Variants in SAMD3 observed in about 807,000 individuals in gnomAD.
The protein encoded by SAMD3 is sterile alpha motif domain-containing protein 3.
In SAMD3, 63 loss-of-function variants were observed where a neutral mutation model predicts 58.5. That is an observed-to-expected ratio of 1.08 (90% CI 0.88 to 1.33). SAMD3 has a LOEUF of 1.33. Among genes scored for constraint, SAMD3 ranks in the 40% most tolerant of loss-of-function variants. SAMD3 has a pLI of 0.00. For missense variants in SAMD3, 604 were observed against 608.4 expected, an observed-to-expected ratio of 0.99 and a Z score of 0.08; for synonymous variants, 220 against 210.3, an observed-to-expected ratio of 1.05 and a Z score of -0.40.
chr6:130,205,617 T>G (rs1209925636), intron 5 of SAMD3, among the ~76,000 whole-genome samples: 2 of 152,184 alleles, frequency 1.3e-5, no homozygotes, highest in Non-Finnish European at 2.9e-5. Flanking sequence ...AGTTCCATTT[T>G]AAAGCTCCTA....
intron 1 of SAMD3, among the ~76,000 whole-genome samples, chr6:130,345,085 G>A (rs1205252182): frequency 1.3e-5 from 2 of 152,134 alleles, no homozygotes; most frequent in African/African-American, 2.4e-5. Flanking sequence ...TTAAGGTGGG[G>A]CAATAAGTAA....
intron 2 of SAMD3, among the ~76,000 whole-genome samples, chr6:130,281,865 A>T (rs1280189365): frequency 6.7e-6 from 1 of 149,950 alleles, no homozygotes; most frequent in Non-Finnish European, 1.5e-5. Flanking sequence ...GTGAGCCGAG[A>T]TCGTGTCACT....
intron 1 of SAMD3, among the ~76,000 whole-genome samples, chr6:130,218,238 G>A (rs1796089105): frequency 6.6e-6 from 1 of 152,224 alleles, no homozygotes; most frequent in African/African-American, 2.4e-5. Context: ...GCTAGTATAT[G>A]CTTCTCGCCT....
chr6:130,362,913 C>A (rs1479011514), intron 1 of SAMD3, among the ~76,000 whole-genome samples: 2 of 152,094 alleles, frequency 1.3e-5, no homozygotes, highest in Non-Finnish European at 2.9e-5. Flanking sequence ...AAGTGCTATT[C>A]AAAATCACGG....
intron 5 of SAMD3, among the ~76,000 whole-genome samples, chr6:130,200,144 C>T (rs1794513151): frequency 6.6e-6 from 1 of 152,142 alleles, no homozygotes; most frequent in African/African-American, 2.4e-5. Context: ...CCCAATTCCT[C>T]TTGGTATTAA....
intron 2 of SAMD3, among the ~76,000 whole-genome samples, chr6:130,233,546 A>G (rs186029849): frequency 6.6e-6 from 1 of 152,352 alleles, no homozygotes; most frequent in Admixed American, 6.5e-5. Flanking sequence ...TGAACAGAGG[A>G]AAAAATGTCA....
chr6:130,356,378 A>T lies in SAMD3; in HGVS notation c.-304+8742T>A, dbSNP rs539299919. On this transcript the variant is annotated intron_variant, in intron 1 of 13. Coordinates refer to the SAMD3 transcript ENST00000368134. ...ATCTGTAAAGCTTCTGCCTTATTTTATGCAGATATCTGCTCAAATATTACA... is the reference window on the plus strand; with the variant it reads ...ATCTGTAAAGCTTCTGCCTTATTTTTTGCAGATATCTGCTCAAATATTACA... 2.2e-4 allele frequency among the ~76,000 whole-genome samples: 34 copies of T among 152,310 alleles called. 2 individuals are homozygous for T. Among genetic ancestry groups the T allele is most frequent in the African/African-American group, 8.2e-4 (34 of 41,560 alleles).
chr6:130,218,345 C>T (rs1796091726), intron 1 of SAMD3, among the ~76,000 whole-genome samples: 2 of 152,206 alleles, frequency 1.3e-5, no homozygotes, highest in Non-Finnish European at 2.9e-5. Context: ...CCCATTCTCT[C>T]AGTGCGCAGG....
At chr6:130,352,143 A>G (rs967764936) in intron 1 of SAMD3, among the ~76,000 whole-genome samples, 4 of 152,112 alleles carry the variant, frequency 2.6e-5, no homozygotes, top group African/African-American at 9.7e-5. Context: ...CAGCACACCA[A>G]CATGGCACAT....
intron 5 of SAMD3, among the ~76,000 whole-genome samples, chr6:130,196,641 C>G (rs1582885904): frequency 6.6e-6 from 1 of 152,224 alleles, no homozygotes; most frequent in South Asian, 2.1e-4. Context: ...AAGGAAATAA[C>G]TTCTCAGTGT....
intron 7 of SAMD3, chr6:130,183,038 G>C (rs1051523395): frequency 3.8e-6 from 1 of 265,392 alleles, no homozygotes; most frequent in Non-Finnish European, 7.4e-6. Context: ...CAATAGTGTT[G>C]ATTATATTCA....
chr6:130,152,947 C>A (rs1165252843), intron 9 of SAMD3, among the ~76,000 whole-genome samples: 2 of 152,230 alleles, frequency 1.3e-5, no homozygotes, highest in East Asian at 3.9e-4. Flanking sequence ...TTAACATAGT[C>A]CATTTATATT....
intron 2 of SAMD3, among the ~76,000 whole-genome samples, chr6:130,264,117 G>A (rs1276892466): frequency 3.3e-5 from 5 of 152,162 alleles, no homozygotes; most frequent in African/African-American, 7.2e-5. Flanking sequence ...CACATGGCAG[G>A]CCAGAGGCCC....
chr6:130,152,667 ACT>A (rs1420124890), intron 9 of SAMD3, among the ~76,000 whole-genome samples: 1 of 151,706 alleles, frequency 6.6e-6, no homozygotes, highest in African/African-American at 2.4e-5. Context: ...ACAAAGTAAG[ACT>A]CTGTCTCAAT....
intron 2 of SAMD3, among the ~76,000 whole-genome samples, chr6:130,216,149 G>A (rs1795991827): frequency 6.6e-6 from 1 of 151,302 alleles, no homozygotes; most frequent in African/African-American, 2.4e-5. Flanking sequence ...TATGCCACTT[G>A]TCTGCAACCA....
At chr6:130,218,475 G>T (rs1452405249) in intron 1 of SAMD3, among the ~76,000 whole-genome samples, 1 of 152,112 alleles carries the variant, frequency 6.6e-6, no homozygotes, top group South Asian at 2.1e-4. Context: ...ACCATCACCA[G>T]ACCACATGAA....
At chr6:130,294,626 ATT>A (rs3029966) in intron 2 of SAMD3, among the ~76,000 whole-genome samples, 39,302 of 146,094 alleles carry the variant, frequency 0.27, 5,493 homozygotes, top group East Asian at 0.45. Flanking sequence ...GCAAGGATTA[ATT>A]TTTTTTTTTT....
Position 130,233,644 on chromosome 6 carries a change from C to A in SAMD3, c.-187-10831G>T, listed in dbSNP as rs141494994. On this transcript the variant is annotated intron_variant, in intron 2 of 13. Transcript: ENST00000368134. ...GACAGGCTGAAAGGTGATATTTGTTCTTTGGGGTATGCTGGTTTCTCTTTT... is the reference window on the plus strand; with the variant it reads ...GACAGGCTGAAAGGTGATATTTGTTATTTGGGGTATGCTGGTTTCTCTTTT... Among the ~76,000 whole-genome samples the A allele has an allele frequency of 1.2e-4, 19 of 152,202 alleles. No individual in the cohort carries two copies. The East Asian group carries it at 3.5e-3, about 28-fold the overall frequency.
intron 2 of SAMD3, among the ~76,000 whole-genome samples, chr6:130,293,128 A>AACTTG (rs1775437820): frequency 6.6e-6 from 1 of 152,218 alleles, no homozygotes; most frequent in Non-Finnish European, 1.5e-5. Context: ...GGTTAACGGG[A>AACTTG]ACTTGACAGT....
Sources: allele counts gnomAD v4.1 joint callset (sites outside exome capture counted in the v4.1 genomes callset), GRCh38; gene constraint gnomAD v4.1.1; transcripts MANE v1.5; gene names NCBI Gene and HGNC (gene_info 2026-07-23, HGNC 2026-07-21).